The following PVALB variants were observed in gnomAD, a reference collection of about 807,000 sequenced individuals.
PVALB encodes parvalbumin.
Under a neutral mutation model 10.9 loss-of-function variants are expected in PVALB, and 11 were observed. The ratio of observed to expected loss-of-function variants is 1.01; its 90% CI spans 0.63 to 1.67. The LOEUF is 1.67. PVALB is among the 40% of genes most tolerant of loss of function. The probability of loss-of-function intolerance (pLI) is 0.00; values close to 1 mark genes in which losing one functional copy is unlikely to be tolerated. For missense variants in PVALB, 131 were observed against 136.2 expected (o/e 0.96, Z 0.19); for synonymous variants, 57 against 50.7 (o/e 1.12, Z -0.53).
In PVALB at chr22:36,807,437, G is replaced by C. The variant is rs557891980; in HGVS notation, c.304+6209C>G. ...TAGAAATCAAATCCCCATAGAGGCCGGAGGGCTAGAATTACAGGGAGAACG... is the reference window on the plus strand; with the variant it reads ...TAGAAATCAAATCCCCATAGAGGCCCGAGGGCTAGAATTACAGGGAGAACG... On this transcript the variant is annotated intron_variant, in intron 3 of 3. Coordinates refer to ENST00000417718, the MANE Select transcript of PVALB (RefSeq NM_001315532.2). Among the ~76,000 whole-genome samples the C allele has an allele frequency of 3.3e-5, 5 of 152,318 alleles. No homozygotes were observed. The South Asian group carries it at 1.0e-3, about 32-fold the overall frequency.
rs147221306 is a variant in PVALB, at chr22:36,806,673, G to A, written c.305-5755C>T. On this transcript the variant is annotated intron_variant, in intron 3 of 3. Coordinates refer to ENST00000417718, the MANE Select transcript of PVALB (RefSeq NM_001315532.2). ...TCACCTTCCCATCCCGGAGAACTGG[G>A]AGGCAGAGTCACTCCGGGTCAAGCC... Among the ~76,000 whole-genome samples the A allele has an allele frequency of 5.3e-3, 802 of 152,294 alleles. 3 individuals carry two copies. The highest frequency in any genetic ancestry group is 0.018 in the African/African-American group (768 of 41,548).
intron 3 of PVALB, among the ~76,000 whole-genome samples, chr22:36,806,564 A>G (rs1362562000): frequency 6.6e-6 from 1 of 152,156 alleles, no homozygotes; most frequent in Non-Finnish European, 1.5e-5. Context: ...GACCGGGATG[A>G]AGGAGCCGGC....
At chr22:36,817,946 T>G (rs907197459), upstream of PVALB, among the ~76,000 whole-genome samples, 6 of 152,104 alleles carry the variant, frequency 3.9e-5, no homozygotes, top group Non-Finnish European at 8.8e-5. Context: ...CAGACCACAC[T>G]TTCTAGACAA....
chr22:36,808,379 G>A (rs780448561), intron 3 of PVALB, among the ~76,000 whole-genome samples: 2 of 152,140 alleles, frequency 1.3e-5, no homozygotes, highest in Non-Finnish European at 2.9e-5. Flanking sequence ...GCCCAGGCTG[G>A]GGACACATGC....
At chr22:36,808,364 G>A (rs1388926862) in intron 3 of PVALB, among the ~76,000 whole-genome samples, 1 of 151,266 alleles carries the variant, frequency 6.6e-6, no homozygotes, top group Non-Finnish European at 1.5e-5. Flanking sequence ...CATTGAGTTT[G>A]GAAGGCCCAG....
intron 3 of PVALB, 101 bp from the exon 4 acceptor site, chr22:36,801,019 C>T: frequency 8.8e-7 from 1 of 1,132,398 alleles, no homozygotes; most frequent in Non-Finnish European, 1.3e-6. Flanking sequence ...TCTCTGGGTT[C>T]TTGCTTCTGC....
At chr22:36,815,392 G>A (rs939047875) in intron 1 of PVALB, 157 bp from the exon 2 acceptor site, 1 of 994,310 alleles carries the variant, frequency 1.0e-6, no homozygotes, top group Non-Finnish European at 1.5e-6. Flanking sequence ...GGGAGCCCGG[G>A]CAAGGGAGGA....
chr22:36,818,314 G>C (rs932140218), upstream of PVALB: 1 of 152,402 alleles, frequency 6.6e-6, no homozygotes, highest in Admixed American at 6.5e-5. Flanking sequence ...GGGGACCAGG[G>C]AGAGCAGCTG....
At chr22:36,819,208 G>T (rs1939199743), upstream of PVALB, among the ~76,000 whole-genome samples, 1 of 152,126 alleles carries the variant, frequency 6.6e-6, no homozygotes, top group Non-Finnish European at 1.5e-5. Context: ...CAGCCACGGG[G>T]GGCGGTGGGT....
intron 2 of PVALB, 88 bp downstream of exon 2, chr22:36,815,015 T>C: frequency 6.5e-7 from 1 of 1,529,584 alleles, no homozygotes. Flanking sequence ...GAAAGGCAGG[T>C]CTGATGGACA....
At chr22:36,817,138 G>A (rs1347770746), upstream of PVALB, 1 of 785,378 alleles carries the variant, frequency 1.3e-6, no homozygotes, top group Non-Finnish European at 1.9e-6. Context: ...CATGGCGCCA[G>A]GGGCCCGGAC....
chr22:36,818,097 G>A (rs1569095544), upstream of PVALB, among the ~76,000 whole-genome samples: 1 of 152,138 alleles, frequency 6.6e-6, no homozygotes, highest in Non-Finnish European at 1.5e-5. Flanking sequence ...GAGTGTGTGA[G>A]CGCTGGACAG....
Position 36,804,943 on chromosome 22 carries a change from C to T in PVALB, c.305-4025G>A, listed in dbSNP as rs558964343. 2.9e-4 allele frequency among the ~76,000 whole-genome samples: 44 copies of T among 152,132 alleles called. No individual in the cohort carries two copies. In the South Asian group the frequency reaches 4.6e-3, roughly 16 times the overall value. On this transcript the variant is annotated intron_variant, in intron 3 of 3. Transcript: ENST00000417718. ...AGCAAGACTCTGTCTCAAAAACAAA[C>T]GAACAAACAAACAAACAAACAAAGA...
chr22:36,810,289 G>A (rs548514706), intron 3 of PVALB, among the ~76,000 whole-genome samples: 52 of 152,326 alleles, frequency 3.4e-4, no homozygotes, highest in African/African-American at 1.1e-3. Flanking sequence ...GGTGGGGCTC[G>A]GGCCTTCTGG....
At chr22:36,810,889 A>G (rs928957864) in intron 3 of PVALB, among the ~76,000 whole-genome samples, 1 of 152,250 alleles carries the variant, frequency 6.6e-6, no homozygotes, top group Non-Finnish European at 1.5e-5. Flanking sequence ...AAGTCCGTAC[A>G]AAATGCCTGA....
upstream of PVALB, among the ~76,000 whole-genome samples, chr22:36,817,988 T>C (rs1255331177): frequency 2.0e-5 from 3 of 152,062 alleles, no homozygotes; most frequent in Non-Finnish European, 4.4e-5. Flanking sequence ...GAACTTCACC[T>C]CTGGAAAAAT....
At chr22:36,807,772 C>T (rs1938976384) in intron 3 of PVALB, among the ~76,000 whole-genome samples, 1 of 152,152 alleles carries the variant, frequency 6.6e-6, no homozygotes, top group Non-Finnish European at 1.5e-5. Flanking sequence ...CTCAGGTGCT[C>T]CACCACAGCC....
intron 3 of PVALB, 187 bp downstream of exon 3, chr22:36,813,459 C>T (rs1301340386): frequency 1.3e-5 from 7 of 544,082 alleles, no homozygotes; most frequent in Non-Finnish European, 2.3e-5. Context: ...GAAAATACAC[C>T]AGTTTTCCTT....
chr22:36,813,222 G>A (rs916852980), intron 3 of PVALB, among the ~76,000 whole-genome samples: 1 of 152,194 alleles, frequency 6.6e-6, no homozygotes, highest in African/African-American at 2.4e-5. Flanking sequence ...GAGAGGCAGA[G>A]GATCCTTGGG....
Sources: gnomAD v4.1 joint callset for allele counts (sites outside exome capture counted in the v4.1 genomes callset) on GRCh38, gnomAD v4.1.1 for gene constraint, MANE v1.5 for transcripts, NCBI Gene and HGNC (gene_info 2026-07-23, HGNC 2026-07-21) for gene names.